ZNF324B: variants seen among roughly 807,000 people sequenced by gnomAD.
The protein encoded by ZNF324B is zinc finger protein 324B.
ZNF324B carries 7 observed loss-of-function variants against 10.6 expected under a neutral mutation model. The ratio of observed to expected loss-of-function variants is 0.66; its 90% CI spans 0.38 to 1.24. ZNF324B has a LOEUF of 1.24. Among genes scored for constraint, ZNF324B ranks in the 50% most tolerant of loss-of-function variants. The pLI is 0.02. For synonymous variants in ZNF324B, 316 were observed against 321.0 expected (o/e 0.98, Z 0.17); for missense variants, 640 against 764.7 (o/e 0.84, Z 1.92).
chr19:58,419,501 T>C, the ZNF324B span, among the ~76,000 whole-genome samples: 1 of 152,304 alleles, frequency 6.6e-6, no homozygotes, highest in East Asian at 1.9e-4. Context: ...CAACTGAGGT[T>C]TCCTGGGGTG....
rs761428274 is a variant in ZNF324B at position 58,455,647 on chromosome 19, C to T, written c.703C>T (p.Leu235Phe). 33 of 1,613,642 alleles carry T rather than the reference C, an allele frequency of 2.0e-5. 1 individual carries two copies. In the South Asian group the frequency reaches 3.1e-4, roughly 15 times the overall value. ...AGCTTGGCAGGAGCCTCATAGACTC[C>T]TCGGTGGCCAGGAGCCCTCGACCTG... is the stretch of plus-strand genomic sequence containing the variant. ...GAAWQEPHRL[L>F]GGQEPSTWDE... Residue 235 changes from leucine (L) to phenylalanine (F), a missense_variant, in exon 4 of 4, where the codon CTC becomes TTC. Physicochemically the swap from Leu to Phe is conservative, Grantham distance 22 (BLOSUM62 0). This residue lies in a region of ZNF324B where 345 missense variants were observed against 387.9 expected (regional missense o/e 0.89). Coordinates refer to ENST00000336614, the MANE Select transcript of ZNF324B (RefSeq NM_207395.3). This position sits in a 1 kb window ranked among gnomAD's most constrained non-coding sequence, Gnocchi z 7.0.
At chr19:58,425,066 C>T in the ZNF324B span, among the ~76,000 whole-genome samples, 1 of 151,974 alleles carries the variant, frequency 6.6e-6, no homozygotes. Context: ...CCAGCATTGC[C>T]AACGTAATGA....
At chr19:58,433,167 C>CA in the ZNF324B span, 1 of 779,968 alleles carries the variant, frequency 1.3e-6, no homozygotes, top group Non-Finnish European at 2.0e-6. Context: ...GATGGCCCTG[C>CA]AAAGGTTCCT....
chr19:58,447,875 G>A (rs1208880783), upstream of ZNF324B, among the ~76,000 whole-genome samples: 1 of 152,196 alleles, frequency 6.6e-6, no homozygotes, highest in Non-Finnish European at 1.5e-5. Flanking sequence ...TAGTGAATAA[G>A]TCTCAAGAGA....
rs1274336155 is a variant in ZNF324B at position 58,453,662 on chromosome 19, G to A, written c.-6-34G>A. The A allele has an allele frequency of 3.7e-6, 6 of 1,614,132 alleles. 1 individual carries two copies. The South Asian group carries it at 5.5e-5, about 15-fold the overall frequency. ...GGTCCTGGCTCACAGCCATACCTTA[G>A]ACCATGCCTACCTCCACCTCCCTGC... On this transcript the variant is annotated intron_variant, in intron 1 of 3. Coordinates refer to ENST00000336614, the MANE Select transcript of ZNF324B (RefSeq NM_207395.3).
chr19:58,446,134 C>CA, the ZNF324B span, among the ~76,000 whole-genome samples: 1 of 152,136 alleles, frequency 6.6e-6, no homozygotes, highest in African/African-American at 2.4e-5. Flanking sequence ...AACTCCATCT[C>CA]AAAAAACAAA....
the ZNF324B span, chr19:58,433,106 C>G: frequency 5.6e-5 from 31 of 552,306 alleles, no homozygotes; most frequent in East Asian, 7.7e-4. Context: ...ATTTTTGGAT[C>G]CAGGCAAGAT....
the ZNF324B span, chr19:58,434,545 A>T: frequency 6.8e-6 from 11 of 1,614,178 alleles, no homozygotes; most frequent in Non-Finnish European, 8.5e-6. Flanking sequence ...TGAGTGACTA[A>T]AGGCCTTCCC....
chr19:58,434,057 C>G, the ZNF324B span: 1 of 1,613,614 alleles, frequency 6.2e-7, no homozygotes. Context: ...CTTCCACATT[C>G]ACTGCACTCA....
chr19:58,440,334 A>ACCGAG, the ZNF324B span: 1 of 169,246 alleles, frequency 5.9e-6, no homozygotes, highest in Non-Finnish European at 1.3e-5. Context: ...CAGGCAACGC[A>ACCGAG]AACTACATTA....
At chr19:58,431,583 C>T in the ZNF324B span, among the ~76,000 whole-genome samples, 1 of 152,148 alleles carries the variant, frequency 6.6e-6, no homozygotes, top group East Asian at 1.9e-4. Context: ...TATGGGGACT[C>T]CTGTTCACAT....
intron 3 of ZNF324B, 109 bp downstream of exon 3, chr19:58,454,453 C>A: frequency 2.7e-6 from 2 of 731,442 alleles, no homozygotes; most frequent in Non-Finnish European, 4.9e-6. Flanking sequence ...TCCTACCTGA[C>A]TCCCTTCTCT....
At chr19:58,427,420 TTCC>T in the ZNF324B span, among the ~76,000 whole-genome samples, 1 of 27,364 alleles carries the variant, frequency 3.7e-5, no homozygotes, top group Admixed American at 3.1e-4. Context: ...CCTTCCTTCC[TTCC>T]TTCCTTCCTT....
chr19:58,433,436 G>A, the ZNF324B span: 1 of 1,614,192 alleles, frequency 6.2e-7, no homozygotes, highest in South Asian at 1.1e-5. Flanking sequence ...TGCCGAACAA[G>A]TGTAGATCTT....
the ZNF324B span, among the ~76,000 whole-genome samples, chr19:58,425,619 A>G: frequency 2.0e-5 from 3 of 151,192 alleles, no homozygotes; most frequent in Non-Finnish European, 4.4e-5. Flanking sequence ...TACAGCCGCC[A>G]CCACCACGCC....
intron 1 of ZNF324B, chr19:58,453,082 A>AAAATAAATAAATAAAT (rs34636971): frequency 2.1e-5 from 3 of 140,370 alleles, no homozygotes; most frequent in East Asian, 2.1e-4. Flanking sequence ...CTCCAAAATA[A>AAAATAAATAAATAAAT]AAATAAATAA....
the ZNF324B span, chr19:58,433,359 A>G: frequency 3.1e-6 from 5 of 1,614,208 alleles, no homozygotes; most frequent in Non-Finnish European, 4.2e-6. Context: ...CAAGGTTACA[A>G]AGATGGCTGA....
upstream of ZNF324B, among the ~76,000 whole-genome samples, chr19:58,448,113 C>T (rs2052835838): frequency 6.6e-6 from 1 of 152,192 alleles, no homozygotes; most frequent in Admixed American, 6.5e-5. Flanking sequence ...GAGTGGGGTA[C>T]TGCTATAAAG....
chr19:58,425,673 G>C, the ZNF324B span, among the ~76,000 whole-genome samples: 1 of 149,966 alleles, frequency 6.7e-6, no homozygotes, highest in Non-Finnish European at 1.5e-5. Context: ...GTTTCACCAT[G>C]TTGGCCAGGC....
Sources: allele counts gnomAD v4.1 joint callset (sites outside exome capture counted in the v4.1 genomes callset), GRCh38; gene constraint gnomAD v4.1.1; regional missense constraint gnomAD v4.1.1; non-coding constraint Gnocchi (gnomAD v3.1); transcripts MANE v1.5; gene names NCBI Gene and HGNC (gene_info 2026-07-23, HGNC 2026-07-21).